The following NELL1 variants were observed in gnomAD, a reference collection of about 807,000 sequenced individuals.
The protein encoded by NELL1 is protein kinase C-binding protein NELL1.
A neutral mutation model predicts 107.4 loss-of-function variants in NELL1; 76 were observed. The observed-to-expected ratio is 0.71, with a 90% CI of 0.59 to 0.86. The LOEUF is 0.86. Ranked by LOEUF, NELL1 falls within the 40% of genes least tolerant of loss-of-function variation. The pLI, the probability that NELL1 is intolerant of heterozygous loss-of-function variation, is 0.00. For missense variants in NELL1, 1,024 were observed against 1,005.5 expected (o/e 1.02, Z -0.25); for synonymous variants, 353 against 341.2 (o/e 1.03, Z -0.38).
chr11:20,827,550 G>A (rs1199146319), intron 3 of NELL1, among the ~76,000 whole-genome samples: 1 of 151,176 alleles, frequency 6.6e-6, no homozygotes, highest in African/African-American at 2.4e-5. Context: ...TCTTCAACAT[G>A]TGGTATTCCA....
intron 13 of NELL1, among the ~76,000 whole-genome samples, chr11:21,210,453 CT>C (rs1243856841): frequency 6.6e-6 from 1 of 152,052 alleles, no homozygotes; most frequent in Non-Finnish European, 1.5e-5. Flanking sequence ...CTCATTGTGG[CT>C]TTGCATTAGA....
chr11:20,792,300 G>T (rs904967809), intron 3 of NELL1, among the ~76,000 whole-genome samples: 1 of 151,716 alleles, frequency 6.6e-6, no homozygotes, highest in African/African-American at 2.4e-5. Context: ...TTATATTAGC[G>T]ATTTCTTTTT....
rs544631096 is a variant in NELL1 at position 20,741,165 on chromosome 11, T to C, written c.185-42515T>C. Among the ~76,000 whole-genome samples, 16 of 86,372 alleles carry C rather than the reference T, an allele frequency of 1.9e-4. 1 individual carries two copies. In the South Asian group the frequency reaches 5.6e-3, roughly 30 times the overall value. 56.7% of individuals were successfully genotyped at this position (86,372 alleles called of 152,430 possible). ...TCTAATCCTCCCTGGGTTTCTGATG[T>C]TCTCATTCTAAAGTTCAAATAGTAG... is the stretch of plus-strand genomic sequence containing the variant. On this transcript the variant is annotated intron_variant, in intron 2 of 19. Coordinates refer to ENST00000357134, the MANE Select transcript of NELL1 (RefSeq NM_006157.5).
At chr11:20,990,079 T>A (rs1851939610) in intron 12 of NELL1, among the ~76,000 whole-genome samples, 2 of 152,166 alleles carry the variant, frequency 1.3e-5, no homozygotes, top group Admixed American at 6.5e-5. Flanking sequence ...TTCCTCCTTT[T>A]AGCACTGTCC....
At chr11:21,061,017 G>T (rs562352254) in intron 12 of NELL1, among the ~76,000 whole-genome samples, 157 of 152,314 alleles carry the variant, frequency 1.0e-3, no homozygotes, top group Middle Eastern at 3.4e-3. Flanking sequence ...TTACAGGCGT[G>T]AGCCACCACG....
chr11:21,208,058 T>C (rs1857426596), intron 13 of NELL1, among the ~76,000 whole-genome samples: 1 of 152,130 alleles, frequency 6.6e-6, no homozygotes, highest in African/African-American at 2.4e-5. Flanking sequence ...AGAGCTAAAA[T>C]CTATTTATTT....
intron 2 of NELL1, among the ~76,000 whole-genome samples, chr11:20,760,315 C>T (rs1379471285): frequency 2.0e-5 from 3 of 152,198 alleles, no homozygotes; most frequent in African/African-American, 7.2e-5. Flanking sequence ...GTGTTTAACT[C>T]ATCCTTTTGG....
rs191388695 is a variant in NELL1, at chr11:21,524,921, T to C, written c.1646-9453T>C. On this transcript the variant is annotated intron_variant, in intron 15 of 19. Transcript: ENST00000357134. ...GTGCTGGGGAGGAAAATGAATTTGG[T>C]ACATAGAAACACATGTGTCATGTAA... Among the ~76,000 whole-genome samples, 234 of 152,286 alleles carry C rather than the reference T, an allele frequency of 1.5e-3. 3 individuals are homozygous for C. The highest frequency in any genetic ancestry group is 5.3e-3 in the African/African-American group (219 of 41,564).
chr11:21,279,779 C>A (rs965045242), intron 14 of NELL1, among the ~76,000 whole-genome samples: 6 of 152,180 alleles, frequency 3.9e-5, no homozygotes, highest in African/African-American at 1.2e-4. Flanking sequence ...TTGTTTAGAG[C>A]AGCTTTATTC....
At chr11:20,933,764 A>C (rs1383444034) in intron 9 of NELL1, among the ~76,000 whole-genome samples, 1 of 152,198 alleles carries the variant, frequency 6.6e-6, no homozygotes, top group East Asian at 1.9e-4. Context: ...TTCAGTGTGC[A>C]CCCAAATGGC....
intron 2 of NELL1, among the ~76,000 whole-genome samples, chr11:20,781,543 A>G (rs1431428027): frequency 1.3e-5 from 2 of 152,186 alleles, no homozygotes; most frequent in Non-Finnish European, 2.9e-5. Context: ...GGCATTGCTG[A>G]TCGCTTATGG....
chr11:21,160,312 A>AT lies in NELL1; in HGVS notation c.1426+46607dup, dbSNP rs917955851. The stretch of plus-strand genomic sequence containing the variant: ...TTTGAAGACATTTTTCTTAGCTAAT[A>AT]TTTTTTTTTAGAACCTGTCAAAATG... On this transcript the variant is annotated intron_variant, in intron 13 of 19. Coordinates refer to ENST00000357134, the MANE Select transcript of NELL1 (RefSeq NM_006157.5). 1.3e-4 allele frequency among the ~76,000 whole-genome samples: 19 copies of AT among 151,566 alleles called. 1 individual carries two copies. Among genetic ancestry groups the AT allele is most frequent in the East Asian group, 7.7e-4 (4 of 5,176 alleles).
chr11:20,680,379 T>C (rs1221791548), intron 2 of NELL1, among the ~76,000 whole-genome samples: 2 of 152,114 alleles, frequency 1.3e-5, no homozygotes, highest in African/African-American at 4.8e-5. Context: ...AACTCAAAGA[T>C]TGAAATCTCC....
intron 15 of NELL1, among the ~76,000 whole-genome samples, chr11:21,401,412 A>T (rs369827392): frequency 7.9e-5 from 12 of 151,996 alleles, no homozygotes; most frequent in African/African-American, 2.9e-4. Context: ...TTAAATGAAA[A>T]TCGCTTACTT....
intron 13 of NELL1, among the ~76,000 whole-genome samples, chr11:21,216,139 G>T (rs1413490162): frequency 1.3e-5 from 2 of 152,168 alleles, no homozygotes; most frequent in Non-Finnish European, 1.5e-5. Context: ...TTCTGAGGGT[G>T]CAAGCCCCTA....
At position 21,084,580 on chromosome 11, in the gene NELL1, A is replaced by G. The variant is rs114153740; in HGVS notation, c.1301-29009A>G. ...AAGGACTTCTCTGGCCCTGGGTGAA[A>G]TGGTGGTTTGCAGGGCTAACTCTAG... On this transcript the variant is annotated intron_variant, in intron 12 of 19. Coordinates refer to ENST00000357134, the MANE Select transcript of NELL1 (RefSeq NM_006157.5). 5.1e-3 allele frequency among the ~76,000 whole-genome samples: 779 copies of G among 152,204 alleles called. 5 individuals are homozygous for G. Among genetic ancestry groups the G allele is most frequent in the African/African-American group, 0.018 (745 of 41,524 alleles).
intron 2 of NELL1, among the ~76,000 whole-genome samples, chr11:20,729,887 G>T (rs1358819395): frequency 6.6e-6 from 1 of 152,186 alleles, no homozygotes. Flanking sequence ...GATGCACTCA[G>T]GATGTCTGAT....
chr11:21,546,410 T>C (rs181751896), intron 16 of NELL1, among the ~76,000 whole-genome samples: 42 of 152,072 alleles, frequency 2.8e-4, no homozygotes, highest in Non-Finnish European at 4.7e-4. Context: ...GAGATCATCA[T>C]TGATATGGTT....
chr11:21,161,500 G>C (rs1213758304), intron 13 of NELL1, among the ~76,000 whole-genome samples: 1 of 152,154 alleles, frequency 6.6e-6, no homozygotes, highest in Non-Finnish European at 1.5e-5. Context: ...TCATGCCACT[G>C]CATTCCAGCC....
Sources: gnomAD v4.1 joint callset for allele counts (sites outside exome capture counted in the v4.1 genomes callset) on GRCh38, gnomAD v4.1.1 for gene constraint, MANE v1.5 for transcripts, NCBI Gene and HGNC (gene_info 2026-07-23, HGNC 2026-07-21) for gene names.